ATP6V0E1: variants seen among roughly 807,000 people sequenced by gnomAD.
ATP6V0E1 encodes V-type proton ATPase subunit e 1.
In ATP6V0E1, 4 loss-of-function variants were observed where a neutral mutation model predicts 11.6. The observed-to-expected ratio is 0.35, with a 90% CI of 0.17 to 0.79. The LOEUF is 0.79. Ranked by LOEUF, ATP6V0E1 falls within the 30% of genes least tolerant of loss-of-function variation. The pLI is 0.54. For synonymous variants in ATP6V0E1, 36 were observed against 34.8 expected, an observed-to-expected ratio of 1.04 and a Z score of -0.13; for missense variants, 105 against 100.0, an observed-to-expected ratio of 1.05 and a Z score of -0.21.
chr5:173,016,466 T>G (rs1756401035), intron 2 of ATP6V0E1, among the ~76,000 whole-genome samples: 1 of 152,222 alleles, frequency 6.6e-6, no homozygotes, highest in Non-Finnish European at 1.5e-5. Flanking sequence ...TGAGTGATTA[T>G]AATTTGCAGC....
intron 2 of ATP6V0E1, among the ~76,000 whole-genome samples, chr5:173,016,620 C>T (rs1303867124): frequency 6.6e-6 from 1 of 152,100 alleles, no homozygotes; most frequent in Non-Finnish European, 1.5e-5. Flanking sequence ...AGGCATTGGC[C>T]AGTTGTCTCA....
rs1376475549 is a variant in ATP6V0E1, at chr5:173,035,324, G to A, written c.*962G>A. The A allele has an allele frequency of 6.6e-6, 1 of 152,206 alleles. No individual in the cohort carries two copies. Among genetic ancestry groups the A allele is most frequent in the African/African-American group, 2.4e-5 (1 of 41,440 alleles). The allele number at this position is 152,206 out of a possible 1,614,324, so 9.4% of individuals were successfully genotyped here. ...ACATAGGACTAAAGAAGTCAAGAGT[G>A]ATTAAAAAGCCAGGGGCAGGAGACA... On this transcript the variant is annotated 3_prime_UTR_variant, in exon 4 of 4. Coordinates refer to ENST00000519374, the MANE Select transcript of ATP6V0E1 (RefSeq NM_003945.4).
intron 2 of ATP6V0E1, among the ~76,000 whole-genome samples, chr5:173,003,753 G>C (rs1229087698): frequency 6.6e-6 from 1 of 152,220 alleles, no homozygotes; most frequent in African/African-American, 2.4e-5. Context: ...CCTGACTTGG[G>C]ACAGGATGAA....
chr5:173,004,166 C>T (rs961066435), intron 2 of ATP6V0E1, among the ~76,000 whole-genome samples: 1 of 152,144 alleles, frequency 6.6e-6, no homozygotes, highest in Non-Finnish European at 1.5e-5. Context: ...CTTGAGCCTC[C>T]TTTGGTGAAT....
intron 2 of ATP6V0E1, among the ~76,000 whole-genome samples, chr5:173,017,021 G>T (rs556873665): frequency 9.2e-5 from 14 of 152,216 alleles, no homozygotes; most frequent in Non-Finnish European, 2.1e-4. Context: ...TTCTGATATG[G>T]TGCTGGCTAA....
chr5:172,986,644 C>A, intron 1 of ATP6V0E1: 1 of 424,416 alleles, frequency 2.4e-6, no homozygotes, highest in Non-Finnish European at 4.7e-6. Context: ...TGAAACAAGT[C>A]CAGTGTCAGA....
At chr5:173,020,388 T>A (rs1268201445) in intron 3 of ATP6V0E1, 21 bp downstream of exon 3, 4 of 1,381,964 alleles carry the variant, frequency 2.9e-6, no homozygotes, top group Admixed American at 1.8e-5. Context: ...TTGTGACCTT[T>A]CTTATCAGTA....
chr5:173,009,118 C>T (rs1381228600), intron 2 of ATP6V0E1, among the ~76,000 whole-genome samples: 4 of 149,988 alleles, frequency 2.7e-5, no homozygotes, highest in African/African-American at 9.8e-5. Flanking sequence ...CCCAGCTACT[C>T]GGGAGGCTGA....
At chr5:173,004,680 T>A (rs113617723) in intron 2 of ATP6V0E1, among the ~76,000 whole-genome samples, 1 of 152,164 alleles carries the variant, frequency 6.6e-6, no homozygotes, top group South Asian at 2.1e-4. Context: ...AGGAAAGATA[T>A]GAGACCTGTT....
intron 2 of ATP6V0E1, among the ~76,000 whole-genome samples, chr5:173,013,145 C>G (rs577915870): frequency 5.3e-5 from 8 of 151,880 alleles, no homozygotes; most frequent in Admixed American, 1.3e-4. Flanking sequence ...TTGCGCCACT[C>G]CAGTCCAGCC....
intron 2 of ATP6V0E1, among the ~76,000 whole-genome samples, chr5:173,006,082 T>TTCTA (rs542941944): frequency 6.6e-6 from 1 of 152,206 alleles, no homozygotes; most frequent in Non-Finnish European, 1.5e-5. Flanking sequence ...GGTTGTAGTA[T>TTCTA]TCTATATCAG....
intron 1 of ATP6V0E1, among the ~76,000 whole-genome samples, chr5:172,994,099 T>C (rs964916985): frequency 4.0e-5 from 6 of 151,818 alleles, no homozygotes; most frequent in African/African-American, 1.5e-4. Context: ...TTGCTGACAG[T>C]GGGAATGGGA....
intron 1 of ATP6V0E1, among the ~76,000 whole-genome samples, 159 bp downstream of exon 1, chr5:172,984,123 T>G (rs548734972): frequency 6.6e-6 from 1 of 152,304 alleles, no homozygotes; most frequent in African/African-American, 2.4e-5. Context: ...CTTGTGTTCC[T>G]TTTCGCAGCA....
At chr5:173,025,809 A>T (rs1756550904) in intron 3 of ATP6V0E1, among the ~76,000 whole-genome samples, 1 of 151,706 alleles carries the variant, frequency 6.6e-6, no homozygotes, top group Admixed American at 6.6e-5. Context: ...AATACTTTCA[A>T]GATAACACCA....
At chr5:173,024,197 CA>C (rs56837002) in intron 3 of ATP6V0E1, among the ~76,000 whole-genome samples, 4,670 of 73,376 alleles carry the variant, frequency 0.064, 83 homozygotes, top group South Asian at 0.12. Flanking sequence ...GACTCCGTCT[CA>C]AAAAAAAAAA....
Position 172,989,549 on chromosome 5 carries a change from C to A in ATP6V0E1, c.105-5226C>A, listed in dbSNP as rs184050601. 6.0e-5 allele frequency among the ~76,000 whole-genome samples: 9 copies of A among 149,964 alleles called. 1 individual carries two copies. Among genetic ancestry groups the A allele is most frequent in the Admixed American group, 3.3e-4 (5 of 15,140 alleles). The stretch of plus-strand genomic sequence containing the variant: ...CTGAAGATTTTTTTTTTTTTTGAGA[C>A]CTAGTCTTGCTCTGTCACCCAGGCT... On this transcript the variant is annotated intron_variant, in intron 1 of 3. Coordinates refer to ENST00000519374, the MANE Select transcript of ATP6V0E1 (RefSeq NM_003945.4).
intron 3 of ATP6V0E1, among the ~76,000 whole-genome samples, chr5:173,022,163 G>A (rs893070523): frequency 7.2e-5 from 11 of 152,312 alleles, no homozygotes; most frequent in East Asian, 3.9e-4. Flanking sequence ...TAATCTGTTC[G>A]TTGTTTTCAT....
In ATP6V0E1 at chr5:173,003,811, C is replaced by G. The variant is rs543993615; in HGVS notation, c.152+8989C>G. Among the ~76,000 whole-genome samples the G allele has an allele frequency of 3.1e-4, 47 of 152,218 alleles. 1 individual carries two copies. Among genetic ancestry groups the G allele is most frequent in the African/African-American group, 1.1e-3 (46 of 41,532 alleles). On this transcript the variant is annotated intron_variant, in intron 2 of 3. Transcript: ENST00000519374. Reference sequence around the variant, plus strand: ...ACATGCTAATTAGGACTGAGATGGCCATAAGATGCCCAAGAGTTGTCAAAC... The same window carrying G: ...ACATGCTAATTAGGACTGAGATGGCGATAAGATGCCCAAGAGTTGTCAAAC...
chr5:173,026,122 A>G (rs1447388289), intron 3 of ATP6V0E1, among the ~76,000 whole-genome samples: 1 of 151,976 alleles, frequency 6.6e-6, no homozygotes, highest in Non-Finnish European at 1.5e-5. Flanking sequence ...CAGCATCCTG[A>G]GTAGCTAGGA....
Sources: allele counts gnomAD v4.1 joint callset (sites outside exome capture counted in the v4.1 genomes callset), GRCh38; gene constraint gnomAD v4.1.1; transcripts MANE v1.5; gene names NCBI Gene and HGNC (gene_info 2026-07-23, HGNC 2026-07-21).